Variants in HAS3 observed in about 807,000 individuals in gnomAD.
The protein encoded by HAS3 is hyaluronan synthase 3.
HAS3 carries 27 observed loss-of-function variants against 50.3 expected under a neutral mutation model. The observed-to-expected ratio is 0.54, with a 90% CI of 0.40 to 0.74. HAS3 has a LOEUF of 0.74. Among genes scored for constraint, HAS3 ranks in the 30% least tolerant of loss-of-function variants. The pLI, the probability that HAS3 is intolerant of heterozygous loss-of-function variation, is 0.00. For synonymous variants in HAS3, 339 were observed against 310.9 expected, an observed-to-expected ratio of 1.09 and a Z score of -0.95; for missense variants, 517 against 742.8, an observed-to-expected ratio of 0.70 and a Z score of 3.53.
In HAS3 at chr16:69,117,523, T is replaced by A; in HGVS notation, c.*2257T>A. The A allele has an allele frequency of 1.1e-6, 1 of 929,006 alleles. No individual in the cohort carries two copies. Among genetic ancestry groups the A allele is most frequent in the South Asian group, 5.0e-5 (1 of 20,120 alleles). The allele number at this position is 929,006 out of a possible 1,614,324, so 57.5% of individuals were successfully genotyped here. Reference sequence around the variant, plus strand: ...GGTTTTTCCTCATTGAGAATTCAAATCCTCTTTTGTATTGTTTCTACAATA... The same window carrying A: ...GGTTTTTCCTCATTGAGAATTCAAAACCTCTTTTGTATTGTTTCTACAATA... On this transcript the variant is annotated 3_prime_UTR_variant, in exon 4 of 4. Coordinates refer to ENST00000569188, the MANE Select transcript of HAS3 (RefSeq NM_001199280.2).
chr16:69,114,200 A>G lies in HAS3; in HGVS notation c.739-143A>G. The G allele has an allele frequency of 7.9e-7, 1 of 1,271,242 alleles. No homozygotes were observed. The highest frequency in any genetic ancestry group is 1.1e-6 in the Non-Finnish European group (1 of 934,756). The allele number at this position is 1,271,242 out of a possible 1,614,324, so 78.7% of individuals were successfully genotyped here. The stretch of plus-strand genomic sequence containing the variant: ...TGTGTGGTTGGCTCCTCTGAGCCTC[A>G]GGTTTCCCAGCTCCAAAGGAACCGA... On this transcript the variant is annotated intron_variant, in intron 3 of 3. Coordinates refer to ENST00000569188, the MANE Select transcript of HAS3 (RefSeq NM_001199280.2). This position sits in a 1 kb window ranked among gnomAD's most constrained non-coding sequence, Gnocchi z 6.4.
Position 69,114,335 on chromosome 16 carries a change from C to T in HAS3, c.739-8C>T, listed in dbSNP as rs1252979943. On this transcript the variant is annotated splice_polypyrimidine_tract_variant and splice_region_variant and intron_variant, in intron 3 of 3. Coordinates refer to ENST00000569188, the MANE Select transcript of HAS3 (RefSeq NM_001199280.2). This position sits in a 1 kb window ranked among gnomAD's most constrained non-coding sequence, Gnocchi z 6.4. ...CTTAGGAGGCCCAGCATCTCTATTC[C>T]CTTGCAGATCCTCAACAAGTACGAC... The T allele has an allele frequency of 2.5e-6, 4 of 1,587,892 alleles. No homozygotes were observed. In the South Asian group the frequency reaches 4.5e-5, roughly 18 times the overall value.
chr16:69,115,039 A>T lies in HAS3; in HGVS notation c.1435A>T (p.Ile479Phe). The T allele has an allele frequency of 6.2e-7, 1 of 1,614,060 alleles. No individual in the cohort carries two copies. The highest frequency in any genetic ancestry group is 8.5e-7 in the Non-Finnish European group (1 of 1,180,016). The change falls in exon 4 of 4, where the codon ATT (isoleucine) becomes TTT (phenylalanine). Residue 479 changes from isoleucine to phenylalanine, a missense_variant. By Grantham distance (21) the Ile-to-Phe change is conservative. Transcript: ENST00000569188. Reference sequence around the variant, plus strand: ...CCGAAAAACCATTGTGGTGAACTTCATTGGCCTCATTCCTGTGTCCATCTG... The same window carrying T: ...CCGAAAAACCATTGTGGTGAACTTCTTTGGCCTCATTCCTGTGTCCATCTG... ...SGRKTIVVNF[I>F]GLIPVSIWVA...
the HAS3 span, among the ~76,000 whole-genome samples, chr16:69,088,863 A>G: frequency 1.3e-5 from 2 of 152,244 alleles, no homozygotes; most frequent in East Asian, 1.9e-4. Context: ...TTGAGGCAGC[A>G]GTGAGCTGTG....
At chr16:69,088,239 G>A in the HAS3 span, among the ~76,000 whole-genome samples, 2 of 152,090 alleles carry the variant, frequency 1.3e-5, no homozygotes, top group Non-Finnish European at 2.9e-5. Context: ...AGGCAGTGGA[G>A]GGAGACAGAT....
In HAS3 at chr16:69,107,522, G is replaced by A. The variant is rs1015102074; in HGVS notation, c.-1+1735G>A. On this transcript the variant is annotated intron_variant, in intron 1 of 3. Coordinates refer to ENST00000569188, the MANE Select transcript of HAS3 (RefSeq NM_001199280.2). This position sits in a 1 kb window ranked among gnomAD's most constrained non-coding sequence, Gnocchi z 5.5. ...CTTTGCCAAGAGGCGAGGCTCGAGC[G>A]GGGATGAGAAGCGTGGCGAGTGCGT... 27 of 985,608 alleles carry A rather than the reference G, an allele frequency of 2.7e-5. No individual in the cohort carries two copies. In the South Asian group the frequency reaches 3.3e-4, roughly 12 times the overall value. The allele number at this position is 985,608 out of a possible 1,614,324, so 61.1% of individuals were successfully genotyped here.
At chr16:69,104,992 G>GGTT (rs1567576954), upstream of HAS3, among the ~76,000 whole-genome samples, 110 of 81,988 alleles carry the variant, frequency 1.3e-3, 1 homozygote, top group Non-Finnish European at 2.0e-3. Context: ...CTGTTTTTTG[G>GGTT]TTTTTTTTTT....
Position 69,107,556 on chromosome 16 carries a change from G to C in HAS3, c.-1+1769G>C. 1 of 984,226 alleles carries C rather than the reference G, an allele frequency of 1.0e-6. No individual in the cohort carries two copies. Among genetic ancestry groups the C allele is most frequent in the Non-Finnish European group, 1.2e-6 (1 of 828,754 alleles). The allele number at this position is 984,226 out of a possible 1,614,324, so 61.0% of individuals were successfully genotyped here. A position where few individuals can be genotyped will look rare whatever the true frequency, so the allele number is the denominator to read the frequency against. On this transcript the variant is annotated intron_variant, in intron 1 of 3. Transcript: ENST00000569188. The surrounding 1 kb of genome is among the most constrained non-coding windows in gnomAD (Gnocchi z 5.5). ...AAGCGTGGCGAGTGCGTTCGCGGCTGCTTTGACCTGGTGGGCGCCGCCTCC... is the reference window on the plus strand; with the variant it reads ...AAGCGTGGCGAGTGCGTTCGCGGCTCCTTTGACCTGGTGGGCGCCGCCTCC...
chr16:69,108,700 T>C (rs1960893737), intron 1 of HAS3, among the ~76,000 whole-genome samples: 1 of 152,206 alleles, frequency 6.6e-6, no homozygotes, highest in Non-Finnish European at 1.5e-5. Context: ...CATTTCCTGG[T>C]CTGCCTCTCC....
In HAS3 at chr16:69,115,132, C is replaced by A; in HGVS notation, c.1528C>A (p.Leu510Ile). The A allele has an allele frequency of 6.2e-7, 1 of 1,610,244 alleles. No individual in the cohort carries two copies. The highest frequency in any genetic ancestry group is 8.5e-7 in the Non-Finnish European group (1 of 1,177,870). The change falls in exon 4 of 4, where the codon CTA becomes ATA. Residue 510 changes from leucine (L) to isoleucine (I), a missense_variant. Coordinates refer to ENST00000569188, the MANE Select transcript of HAS3 (RefSeq NM_001199280.2). Reference sequence around the variant, plus strand: ...CCAGGACCTGTTCAGTGAGACAGAGCTAGCCTTCCTTGTCTCTGGGGCTAT... The same window carrying A: ...CCAGGACCTGTTCAGTGAGACAGAGATAGCCTTCCTTGTCTCTGGGGCTAT... The part of the protein sequence containing the change: ...YCQDLFSETE[L>I]AFLVSGAILY...
chr16:69,109,620 G>A lies in HAS3; in HGVS notation c.225G>A (p.Gln75=). 1 of 1,611,800 alleles carries A rather than the reference G, an allele frequency of 6.2e-7. No homozygotes were observed. Among genetic ancestry groups the A allele is most frequent in the East Asian group, 2.2e-5 (1 of 44,860 alleles). The change falls in exon 2 of 4, where the codon CAG becomes CAA. Residue 75 remains glutamine (Q), a synonymous_variant. Transcript: ENST00000569188. The surrounding 1 kb of genome is among the most constrained non-coding windows in gnomAD (Gnocchi z 5.3). ...ACCGGCGCATGCGACGTGCCGGCCA[G>A]GCCCTGAAGCTGCCCTCCCCGCGGC... ...LEHRRMRRAG[Q]ALKLPSPRRG... is the part of the protein sequence containing the mutation.
upstream of HAS3, among the ~76,000 whole-genome samples, chr16:69,103,003 A>G (rs7200322): frequency 5.4e-3 from 750 of 138,780 alleles, 5 homozygotes; most frequent in African/African-American, 0.017. Flanking sequence ...TGGAGTGTGC[A>G]TGTGTGTGTG....
intron 2 of HAS3, 22 bp downstream of exon 2, chr16:69,110,053 C>T (rs1299034023): frequency 6.9e-6 from 11 of 1,583,602 alleles, no homozygotes; most frequent in East Asian, 4.5e-5. Context: ...TCCCTAGGAG[C>T]GTGTGTACAT....
chr16:69,115,920 C>A lies in HAS3; in HGVS notation c.*654C>A. 1 of 985,712 alleles carries A rather than the reference C, an allele frequency of 1.0e-6. No homozygotes were observed. Among genetic ancestry groups the A allele is most frequent in the Non-Finnish European group, 1.2e-6 (1 of 829,922 alleles). 61.1% of individuals were successfully genotyped at this position (985,712 alleles called of 1,614,324 possible). Reference sequence around the variant, plus strand: ...GCACTGAACTGCTTTTAAAAGTGCACATTAAAAAGGAAAGTTTGCCAGGAG... The same window carrying A: ...GCACTGAACTGCTTTTAAAAGTGCAAATTAAAAAGGAAAGTTTGCCAGGAG... On this transcript the variant is annotated 3_prime_UTR_variant, in exon 4 of 4. Coordinates refer to ENST00000569188, the MANE Select transcript of HAS3 (RefSeq NM_001199280.2).
At chr16:69,086,023 A>G in the HAS3 span, among the ~76,000 whole-genome samples, 2 of 150,094 alleles carry the variant, frequency 1.3e-5, no homozygotes, top group South Asian at 4.2e-4. Flanking sequence ...GTGCACCACC[A>G]TGCCTGGCTA....
chr16:69,112,449 A>ATAG (rs1227209299), intron 2 of HAS3, among the ~76,000 whole-genome samples: 1 of 152,194 alleles, frequency 6.6e-6, no homozygotes, highest in Non-Finnish European at 1.5e-5. Context: ...GTCTTCCAAC[A>ATAG]TAGAGAAAGC....
chr16:69,095,194 A>G, the HAS3 span, among the ~76,000 whole-genome samples: 759 of 152,260 alleles, frequency 5.0e-3, 11 homozygotes, highest in African/African-American at 0.018. Context: ...CATGTTGGCC[A>G]GGCTGGTCTT....
the HAS3 span, among the ~76,000 whole-genome samples, chr16:69,090,593 A>G: frequency 1.3e-5 from 2 of 151,806 alleles, no homozygotes; most frequent in South Asian, 4.2e-4. Flanking sequence ...TTTTAGACGG[A>G]GTCTTGCTCT....
chr16:69,110,267 C>T (rs996093791), intron 2 of HAS3, among the ~76,000 whole-genome samples: 3 of 152,114 alleles, frequency 2.0e-5, no homozygotes, highest in African/African-American at 4.8e-5. Flanking sequence ...CTGGCTAACA[C>T]GGTGAAACCC....
Sources: allele counts gnomAD v4.1 joint callset (sites outside exome capture counted in the v4.1 genomes callset), GRCh38; gene constraint gnomAD v4.1.1; non-coding constraint Gnocchi (gnomAD v3.1); transcripts MANE v1.5; gene names NCBI Gene and HGNC (gene_info 2026-07-23, HGNC 2026-07-21).